PLCZ1: variants seen among roughly 807,000 people sequenced by gnomAD.
The protein encoded by PLCZ1 is 1-phosphatidylinositol 4,5-bisphosphate phosphodiesterase zeta-1.
A neutral mutation model predicts 76.8 loss-of-function variants in PLCZ1; 64 were observed. The ratio of observed to expected loss-of-function variants is 0.83; its 90% confidence interval spans 0.68 to 1.03. The LOEUF is 1.03. Among genes scored for constraint, PLCZ1 ranks in the 50% least tolerant of loss-of-function variants. The pLI is 0.00. For missense variants in PLCZ1, 751 were observed against 713.7 expected (o/e 1.05, Z -0.60); for synonymous variants, 248 against 230.8 (o/e 1.07, Z -0.68).
the PLCZ1 span, among the ~76,000 whole-genome samples, chr12:18,659,433 A>G: frequency 3.3e-4 from 51 of 152,272 alleles, 1 homozygote; most frequent in African/African-American, 1.2e-3. Flanking sequence ...TCATCCCTGC[A>G]TACTTAGAGA....
chr12:18,680,073 T>C (rs962692622), downstream of PLCZ1, among the ~76,000 whole-genome samples: 5 of 151,856 alleles, frequency 3.3e-5, no homozygotes, highest in East Asian at 5.8e-4. Context: ...ATATTTCCAG[T>C]GTGTTATTAC....
chr12:18,705,986 G>T (rs1043732760), intron 6 of PLCZ1, among the ~76,000 whole-genome samples: 1 of 152,012 alleles, frequency 6.6e-6, no homozygotes, highest in Non-Finnish European at 1.5e-5. Context: ...CAGCACTTTG[G>T]GAGGCCGAGG....
At chr12:18,713,097 G>A in intron 5 of PLCZ1, 111 bp from the exon 6 acceptor site, 1 of 1,396,540 alleles carries the variant, frequency 7.2e-7, no homozygotes, top group Non-Finnish European at 9.9e-7. Flanking sequence ...GCATAAATGA[G>A]TCCATAAAAC....
At position 18,701,527 on chromosome 12, in the gene PLCZ1, C is replaced by T. The variant is rs559535019; in HGVS notation, c.991G>A (p.Gly331Arg). The T allele has an allele frequency of 1.9e-6, 3 of 1,613,966 alleles. No individual in the cohort carries two copies. Among genetic ancestry groups the T allele is most frequent in the Admixed American group, 3.3e-5 (2 of 59,986 alleles). ...DKETGVKKLP[G>R]VMLFKKKKTR... ...TTCTTTTTCTTGAAAAGCATTACTC[C>T]AGGTAACTTTTTTACCCCTGTTTCC... is the stretch of plus-strand genomic sequence containing the variant. Residue 331 changes from glycine (G) to arginine (R), a missense_variant, in exon 9 of 15, where the codon GGA becomes AGA. By Grantham distance (125) the Gly-to-Arg change is moderately radical (BLOSUM62 -2). Coordinates refer to ENST00000266505, the MANE Select transcript of PLCZ1 (RefSeq NM_033123.4).
At chr12:18,700,393 G>C (rs1306440502) in intron 9 of PLCZ1, among the ~76,000 whole-genome samples, 1 of 151,224 alleles carries the variant, frequency 6.6e-6, no homozygotes, top group African/African-American at 2.4e-5. Context: ...AACATTTCTT[G>C]CTCATGCTCA....
intron 14 of PLCZ1, 135 bp downstream of exon 14, chr12:18,683,995 A>T: frequency 7.4e-6 from 8 of 1,085,290 alleles, no homozygotes; most frequent in Non-Finnish European, 1.1e-5. Context: ...ACAGAGAAAA[A>T]ATATGTGTCA....
chr12:18,734,155 C>T (rs1959174497), intron 3 of PLCZ1, among the ~76,000 whole-genome samples: 1 of 151,990 alleles, frequency 6.6e-6, no homozygotes, highest in Admixed American at 6.6e-5. Flanking sequence ...TTTGGTGTGC[C>T]AGTTTTTCAC....
At chr12:18,675,193 C>G in the PLCZ1 span, among the ~76,000 whole-genome samples, 1 of 152,142 alleles carries the variant, frequency 6.6e-6, no homozygotes, top group African/African-American at 2.4e-5. Context: ...GTCTAGATGG[C>G]TACAGTCACA....
intron 3 of PLCZ1, among the ~76,000 whole-genome samples, chr12:18,725,478 C>A (rs561778600): frequency 2.6e-5 from 4 of 152,088 alleles, no homozygotes; most frequent in Non-Finnish European, 4.4e-5. Context: ...AGAGGAGCAG[C>A]TGGAAGAAAA....
chr12:18,663,474 A>T, the PLCZ1 span, among the ~76,000 whole-genome samples: 1 of 152,272 alleles, frequency 6.6e-6, no homozygotes, highest in Non-Finnish European at 1.5e-5. Flanking sequence ...TGCATAGGTT[A>T]TATGCAAATA....
downstream of PLCZ1, among the ~76,000 whole-genome samples, chr12:18,680,439 T>G (rs575356848): frequency 6.6e-6 from 1 of 152,080 alleles, no homozygotes; most frequent in South Asian, 2.1e-4. Flanking sequence ...CACACCTCTT[T>G]CAGAGACAGG....
chr12:18,684,217 T>G lies in PLCZ1; in HGVS notation c.1654A>C (p.Ile552Leu), dbSNP rs760846175. The G allele has an allele frequency of 6.2e-7, 1 of 1,611,750 alleles. No individual in the cohort carries two copies. Among genetic ancestry groups the G allele is most frequent in the Admixed American group, 1.7e-5 (1 of 59,860 alleles). The part of the protein sequence containing the change: ...FIIHVPELAL[I>L]RFVVEGQGLI... Reference sequence around the variant, plus strand: ...CCTTGACCTTCAACAACAAAACGTATCAATGCCAATTCTGGGACATGAATA... The same window carrying G: ...CCTTGACCTTCAACAACAAAACGTAGCAATGCCAATTCTGGGACATGAATA... The change falls in exon 14 of 15, where the codon ATA becomes CTA. Residue 552 changes from isoleucine to leucine, a missense_variant. Transcript: ENST00000266505.
intron 2 of PLCZ1, 117 bp downstream of exon 2, chr12:18,737,244 T>C (rs1959451124): frequency 8.9e-7 from 1 of 1,123,070 alleles, no homozygotes; most frequent in Admixed American, 1.7e-5. Flanking sequence ...GAAAAGCAGT[T>C]CAACTTAAAT....
At chr12:18,678,527 A>G (rs796564339), downstream of PLCZ1, among the ~76,000 whole-genome samples, 8 of 152,106 alleles carry the variant, frequency 5.3e-5, no homozygotes, top group African/African-American at 1.9e-4. Context: ...CCCTAACGCC[A>G]TTCACTGATT....
chr12:18,725,614 A>C (rs2150734536), intron 3 of PLCZ1, among the ~76,000 whole-genome samples: 1 of 152,222 alleles, frequency 6.6e-6, no homozygotes, highest in South Asian at 2.1e-4. Context: ...TCAAGACAAA[A>C]CCCCAACTGT....
chr12:18,655,031 T>C, the PLCZ1 span, among the ~76,000 whole-genome samples: 1 of 141,014 alleles, frequency 7.1e-6, no homozygotes, highest in African/African-American at 2.7e-5. Flanking sequence ...CGAAACAGTC[T>C]TAAAAGTATA....
At chr12:18,716,158 T>A (rs1405054073) in intron 5 of PLCZ1, among the ~76,000 whole-genome samples, 1 of 152,224 alleles carries the variant, frequency 6.6e-6, no homozygotes, top group Non-Finnish European at 1.5e-5. Context: ...TATTTGATTA[T>A]GACGGTAAAT....
At chr12:18,716,535 G>C (rs1394293777) in intron 5 of PLCZ1, among the ~76,000 whole-genome samples, 1 of 152,162 alleles carries the variant, frequency 6.6e-6, no homozygotes, top group Non-Finnish European at 1.5e-5. Flanking sequence ...TTTGGAAACA[G>C]AGAAAATTTC....
the PLCZ1 span, chr12:18,648,404 T>C: frequency 4.7e-6 from 1 of 214,862 alleles, no homozygotes; most frequent in Non-Finnish European, 9.4e-6. Context: ...ATAAACCTCA[T>C]CAATTAATTC....
Sources: allele counts gnomAD v4.1 joint callset (sites outside exome capture counted in the v4.1 genomes callset), GRCh38; gene constraint gnomAD v4.1.1; transcripts MANE v1.5; gene names NCBI Gene and HGNC (gene_info 2026-07-23, HGNC 2026-07-21).